Variants in EFR3B observed in about 807,000 individuals in gnomAD.
The protein encoded by EFR3B is EFR3 homolog B.
EFR3B carries 64 observed loss-of-function variants against 104.7 expected under a neutral mutation model. The observed-to-expected ratio is 0.61, with a 90% CI of 0.50 to 0.75. The LOEUF (loss-of-function observed/expected upper bound fraction) is 0.75. Ranked by LOEUF, EFR3B falls within the 30% of genes least tolerant of loss-of-function variation. The pLI is 0.00. For missense variants in EFR3B, 750 were observed against 1,078.5 expected, an observed-to-expected ratio of 0.70 and a Z score of 4.27; for synonymous variants, 385 against 417.9, an observed-to-expected ratio of 0.92 and a Z score of 0.96.
intron 19 of EFR3B, chr2:25,145,816 CT>C (rs1670796914): frequency 6.6e-6 from 1 of 152,150 alleles, no homozygotes; most frequent in Non-Finnish European, 1.5e-5. Flanking sequence ...CTCCCCTCCC[CT>C]GACACATGCA....
At chr2:25,068,629 TTA>T (rs1668401992) in intron 1 of EFR3B, among the ~76,000 whole-genome samples, 1 of 142,928 alleles carries the variant, frequency 7.0e-6, no homozygotes, top group Admixed American at 7.0e-5. Flanking sequence ...TTTGTTTTTT[TTA>T]TGTTTTTTTT....
chr2:25,060,459 A>AT (rs199784249), intron 1 of EFR3B, among the ~76,000 whole-genome samples: 11 of 150,696 alleles, frequency 7.3e-5, no homozygotes, highest in East Asian at 3.9e-4. Flanking sequence ...TTAAAGTGCC[A>AT]TTTTTTTTTC....
At chr2:25,110,755 C>T (rs1310702612) in intron 4 of EFR3B, among the ~76,000 whole-genome samples, 1 of 152,238 alleles carries the variant, frequency 6.6e-6, no homozygotes, top group Non-Finnish European at 1.5e-5. Flanking sequence ...CTGACAGAAT[C>T]AACAGTCATT....
At chr2:25,069,096 TG>T (rs1309361813) in intron 1 of EFR3B, among the ~76,000 whole-genome samples, 2 of 151,452 alleles carry the variant, frequency 1.3e-5, no homozygotes, top group Non-Finnish European at 2.9e-5. Flanking sequence ...TTAGTAGAGA[TG>T]GGGTTTCACC....
rs559649397 is a variant in EFR3B, at chr2:25,042,967, C to T, written c.7+648C>T. On this transcript the variant is annotated intron_variant, in intron 1 of 22. Coordinates refer to ENST00000403714, the MANE Select transcript of EFR3B (RefSeq NM_014971.2). This position sits in a 1 kb window ranked among gnomAD's most constrained non-coding sequence, Gnocchi z 5.4. Reference sequence around the variant, plus strand: ...GACCTCTCCCCGCCTCCACCGCCATCCCCTCAACTGCCGTGCAACAGTTAG... The same window carrying T: ...GACCTCTCCCCGCCTCCACCGCCATTCCCTCAACTGCCGTGCAACAGTTAG... Among the ~76,000 whole-genome samples, 2 of 152,344 alleles carry T rather than the reference C, an allele frequency of 1.3e-5. No homozygotes were observed. The highest frequency in any genetic ancestry group is 1.3e-4 in the Admixed American group (2 of 15,304).
chr2:25,075,770 G>A (rs952440859), intron 1 of EFR3B, among the ~76,000 whole-genome samples: 1 of 152,186 alleles, frequency 6.6e-6, no homozygotes, highest in African/African-American at 2.4e-5. Flanking sequence ...CAACCTCATA[G>A]GGTTTTTGTA....
At chr2:25,080,309 T>C in intron 1 of EFR3B, 1 of 856,306 alleles carries the variant, frequency 1.2e-6, no homozygotes, top group Non-Finnish European at 1.8e-6. Context: ...TTTTTTTTTT[T>C]TTGAGATGGA....
In EFR3B at chr2:25,155,295, T is replaced by C. The variant is rs999822412; in HGVS notation, c.*955T>C. On this transcript the variant is annotated 3_prime_UTR_variant, in exon 23 of 23. Transcript: ENST00000403714. Reference sequence around the variant, plus strand: ...TTGTAGGAGAGTGGGGAGGGTGGGATGAGTGGTGTTTTGGGGCTCAAGGAT... The same window carrying C: ...TTGTAGGAGAGTGGGGAGGGTGGGACGAGTGGTGTTTTGGGGCTCAAGGAT... The C allele has an allele frequency of 6.6e-6, 1 of 152,146 alleles. No homozygotes were observed. Among genetic ancestry groups the C allele is most frequent in the Non-Finnish European group, 1.5e-5 (1 of 68,040 alleles). The allele number at this position is 152,146 out of a possible 1,614,324, so 9.4% of individuals were successfully genotyped here. A position where few individuals can be genotyped will look rare whatever the true frequency, so the allele number is the denominator to read the frequency against.
chr2:25,047,862 A>G (rs1320743534), intron 1 of EFR3B, among the ~76,000 whole-genome samples: 2 of 152,202 alleles, frequency 1.3e-5, no homozygotes, highest in African/African-American at 4.8e-5. Context: ...TAAGATTAAG[A>G]ACAGTACTGT....
At chr2:25,151,779 C>T in intron 20 of EFR3B, 135 bp from the exon 21 acceptor site, 1 of 940,300 alleles carries the variant, frequency 1.1e-6, no homozygotes, top group Non-Finnish European at 1.5e-6. Flanking sequence ...GGCACCGCAC[C>T]TCCACGCCAC....
Position 25,087,159 on chromosome 2 carries a change from G to A in EFR3B, c.8-4166G>A, listed in dbSNP as rs143063018. 1.1e-3 allele frequency among the ~76,000 whole-genome samples: 173 copies of A among 152,092 alleles called. 3 individuals carry two copies. The East Asian group carries it at 0.029, about 26-fold the overall frequency. ...GCCCCTCATAAAACTGTCAGATCTC[G>A]TGAGAACTCACCCACTGTCACAAGA... On this transcript the variant is annotated intron_variant, in intron 1 of 22. Coordinates refer to ENST00000403714, the MANE Select transcript of EFR3B (RefSeq NM_014971.2).
At chr2:25,070,863 A>G (rs538978973) in intron 1 of EFR3B, among the ~76,000 whole-genome samples, 2 of 152,244 alleles carry the variant, frequency 1.3e-5, no homozygotes, top group Non-Finnish European at 2.9e-5. Context: ...GAAGATATCC[A>G]TTCGGATTAA....
rs1365968887 is a variant in EFR3B at position 25,130,646 on chromosome 2, TG to T, written c.849+19del. ...CTCAATTCAGGTATGGTGGCTCCCC[TG>T]GGCCAGCCGGATCCCAGGACAAAGG... On this transcript the variant is annotated intron_variant, in intron 8 of 22. Transcript: ENST00000403714. The surrounding 1 kb of genome is among the most constrained non-coding windows in gnomAD (Gnocchi z 4.6). 6.5e-7 allele frequency: 1 copy of T among 1,548,730 alleles called. No homozygotes were observed. Among genetic ancestry groups the T allele is most frequent in the Admixed American group, 2.0e-5 (1 of 50,968 alleles).
chr2:25,114,230 A>G lies in EFR3B; in HGVS notation c.364-7443A>G, dbSNP rs915462219. The stretch of plus-strand genomic sequence containing the variant: ...CCTCATGTCAACCCCTGGAAGATTC[A>G]GGAACCACATAGGGTGGGCTCTCTA... On this transcript the variant is annotated intron_variant, in intron 4 of 22. Transcript: ENST00000403714. This position sits in a 1 kb window ranked among gnomAD's most constrained non-coding sequence, Gnocchi z 4.0. Among the ~76,000 whole-genome samples the G allele has an allele frequency of 6.6e-6, 1 of 152,138 alleles. No homozygotes were observed. The highest frequency in any genetic ancestry group is 1.5e-5 in the Non-Finnish European group (1 of 68,030).
At chr2:25,149,467 A>C (rs1235765186) in intron 19 of EFR3B, among the ~76,000 whole-genome samples, 2 of 152,162 alleles carry the variant, frequency 1.3e-5, no homozygotes, top group African/African-American at 4.8e-5. Flanking sequence ...ACTCTGTCTA[A>C]GTCTGAATCT....
At chr2:25,115,421 C>G (rs944255437) in intron 4 of EFR3B, among the ~76,000 whole-genome samples, 1 of 152,220 alleles carries the variant, frequency 6.6e-6, no homozygotes, top group African/African-American at 2.4e-5. Context: ...AATTCACTTG[C>G]TCCCTTTAAG....
intron 4 of EFR3B, 144 bp downstream of exon 4, chr2:25,103,931 G>A: frequency 1.1e-6 from 1 of 901,328 alleles, no homozygotes; most frequent in Non-Finnish European, 1.6e-6. Flanking sequence ...TTGTTTTAGG[G>A]TCTCCCTTTG....
In EFR3B at chr2:25,131,832, C is replaced by T. The variant is rs1440800937; in HGVS notation, c.1068C>T (p.Asp356=). 1.4e-5 allele frequency: 22 copies of T among 1,549,760 alleles called. No homozygotes were observed. Among genetic ancestry groups the T allele is most frequent in the Non-Finnish European group, 1.9e-5 (22 of 1,146,476 alleles). Residue 356 remains aspartate (D), a synonymous_variant, in exon 10 of 23, where the codon GAC becomes GAT. Coordinates refer to ENST00000403714, the MANE Select transcript of EFR3B (RefSeq NM_014971.2). The surrounding 1 kb of genome is among the most constrained non-coding windows in gnomAD (Gnocchi z 7.6). The part of the protein sequence containing the change: ...SIDYALTGSY[D]GAVSLGTKII... Reference sequence around the variant, plus strand: ...ACTACGCGCTGACCGGGAGCTACGACGGGGCGGTCAGCCTCGGCACCAAGA... The same window carrying T: ...ACTACGCGCTGACCGGGAGCTACGATGGGGCGGTCAGCCTCGGCACCAAGA...
chr2:25,057,041 C>T (rs1668040263), intron 1 of EFR3B, among the ~76,000 whole-genome samples: 1 of 152,156 alleles, frequency 6.6e-6, no homozygotes, highest in Non-Finnish European at 1.5e-5. Context: ...CTGAGGCACC[C>T]GGGGCTGGTG....
Sources: gnomAD v4.1 joint callset for allele counts (sites outside exome capture counted in the v4.1 genomes callset) on GRCh38, gnomAD v4.1.1 for gene constraint, Gnocchi (gnomAD v3.1) non-coding constraint, MANE v1.5 for transcripts, NCBI Gene and HGNC (gene_info 2026-07-23, HGNC 2026-07-21) for gene names.